The following GALK2 variants were observed in gnomAD, a reference collection of about 807,000 sequenced individuals.
The protein encoded by GALK2 is N-acetylgalactosamine kinase.
In GALK2, 36 loss-of-function variants were observed where a neutral mutation model predicts 52.4. The ratio of observed to expected loss-of-function variants is 0.69; its 90% CI spans 0.53 to 0.91. GALK2 has a LOEUF of 0.91. GALK2 is among the 40% of genes least tolerant of loss of function. The probability of loss-of-function intolerance (pLI) is 0.00; values close to 1 mark genes in which losing one functional copy is unlikely to be tolerated. For missense variants in GALK2, 579 were observed against 559.1 expected, an observed-to-expected ratio of 1.04 and a Z score of -0.36; for synonymous variants, 176 against 199.1, an observed-to-expected ratio of 0.88 and a Z score of 0.98.
At chr15:49,321,417 G>A (rs1439120880) in intron 9 of GALK2, among the ~76,000 whole-genome samples, 2 of 152,104 alleles carry the variant, frequency 1.3e-5, no homozygotes, top group Admixed American at 6.5e-5. Context: ...AGAGAAAGGG[G>A]GCAATGGAAA....
intron 3 of GALK2, among the ~76,000 whole-genome samples, chr15:49,222,143 T>A (rs1186643496): frequency 6.6e-6 from 1 of 152,122 alleles, no homozygotes; most frequent in Non-Finnish European, 1.5e-5. Context: ...TATTCTTAGG[T>A]ATTTTTTTTT....
intron 2 of GALK2, among the ~76,000 whole-genome samples, chr15:49,205,157 A>G (rs1195648868): frequency 1.1e-4 from 16 of 146,730 alleles, no homozygotes. Flanking sequence ...AATGACATAT[A>G]GTGGCAATTG....
intron 5 of GALK2, among the ~76,000 whole-genome samples, chr15:49,276,160 G>C (rs1002869206): frequency 2.6e-5 from 4 of 152,224 alleles, no homozygotes; most frequent in African/African-American, 9.6e-5. Context: ...AAGGGATAGA[G>C]AGCAAAATGT....
chr15:49,192,620 CT>C (rs1324121070), intron 1 of GALK2, among the ~76,000 whole-genome samples: 1 of 150,660 alleles, frequency 6.6e-6, no homozygotes, highest in Non-Finnish European at 1.5e-5. Context: ...CCCAGTTCCC[CT>C]CTGAAAGTGT....
At chr15:49,351,376 A>C (rs1193663025) in intron 3 of GALK2, among the ~76,000 whole-genome samples, 1 of 152,224 alleles carries the variant, frequency 6.6e-6, no homozygotes, top group Non-Finnish European at 1.5e-5. Flanking sequence ...AATTCCGCCC[A>C]AACTCTGGAG....
At chr15:49,213,827 C>CT (rs1218086934) in intron 2 of GALK2, among the ~76,000 whole-genome samples, 2 of 151,930 alleles carry the variant, frequency 1.3e-5, no homozygotes, top group African/African-American at 2.4e-5. Context: ...TTATTTAAAA[C>CT]TTTTTTTGGG....
intron 4 of GALK2, among the ~76,000 whole-genome samples, chr15:49,236,200 C>G (rs1350233820): frequency 6.6e-6 from 1 of 152,008 alleles, no homozygotes; most frequent in African/African-American, 2.4e-5. Context: ...GTTTTAAAAT[C>G]TTTGTTTAAA....
intron 3 of GALK2, among the ~76,000 whole-genome samples, chr15:49,351,752 T>C (rs956125704): frequency 4.6e-4 from 44 of 96,452 alleles, no homozygotes; most frequent in Non-Finnish European, 9.1e-4. Context: ...ATGTCTCAGC[T>C]GACCCTATAA....
At chr15:49,360,663 C>G (rs1468058845) in intron 3 of GALK2, among the ~76,000 whole-genome samples, 1 of 152,072 alleles carries the variant, frequency 6.6e-6, no homozygotes, top group Non-Finnish European at 1.5e-5. Context: ...AGCTCTAAAT[C>G]CTAGACATCA....
chr15:49,175,790 C>A (rs2085401552), intron 1 of GALK2, among the ~76,000 whole-genome samples: 1 of 152,154 alleles, frequency 6.6e-6, no homozygotes, highest in Non-Finnish European at 1.5e-5. Flanking sequence ...TAAAGATCAA[C>A]CCCTGACCTT....
intron 5 of GALK2, among the ~76,000 whole-genome samples, chr15:49,271,288 T>A (rs2030558461): frequency 1.3e-5 from 2 of 152,136 alleles, no homozygotes. Context: ...CAACAACTTT[T>A]TTTTAGGCAG....
chr15:49,266,374 A>G (rs2092361760), intron 5 of GALK2, among the ~76,000 whole-genome samples: 1 of 152,178 alleles, frequency 6.6e-6, no homozygotes, highest in South Asian at 2.1e-4. Context: ...TTGCAAGGGA[A>G]CGGAAACAGA....
chr15:49,283,796 C>G (rs1216834299), intron 7 of GALK2, 78 bp downstream of exon 7: 1 of 1,463,202 alleles, frequency 6.8e-7, no homozygotes, highest in African/African-American at 1.4e-5. Context: ...ATTACTTTAT[C>G]TCTTTCCCCA....
upstream of GALK2, among the ~76,000 whole-genome samples, chr15:49,169,360 G>A (rs1022556172): frequency 6.6e-6 from 1 of 151,936 alleles, no homozygotes; most frequent in Admixed American, 6.6e-5. Context: ...TAGATTGAGA[G>A]TTAATAGATC....
intron 1 of GALK2, among the ~76,000 whole-genome samples, chr15:49,188,776 T>C (rs556800672): frequency 3.3e-5 from 5 of 152,340 alleles, no homozygotes; most frequent in Non-Finnish European, 7.3e-5. Flanking sequence ...TGATTCCTGG[T>C]AGAAGACAAA....
intron 3 of GALK2, among the ~76,000 whole-genome samples, chr15:49,232,111 G>A (rs1490853691): frequency 6.6e-6 from 1 of 152,180 alleles, no homozygotes; most frequent in Non-Finnish European, 1.5e-5. Context: ...CCTGCAGCAG[G>A]GTTCTGCCTA....
At chr15:49,357,461 A>C (rs2043359087) in intron 3 of GALK2, among the ~76,000 whole-genome samples, 1 of 152,094 alleles carries the variant, frequency 6.6e-6, no homozygotes, top group Admixed American at 6.5e-5. Context: ...AAACACCTCT[A>C]TGCAAATAAA....
At chr15:49,361,866 G>A (rs2044297973) in intron 3 of GALK2, among the ~76,000 whole-genome samples, 1 of 152,264 alleles carries the variant, frequency 6.6e-6, no homozygotes, top group Middle Eastern at 3.4e-3. Flanking sequence ...CCCACCAGCA[G>A]TGTATAAGCA....
chr15:49,251,540 A>G (rs2091601791), intron 5 of GALK2, among the ~76,000 whole-genome samples: 1 of 152,122 alleles, frequency 6.6e-6, no homozygotes, highest in Non-Finnish European at 1.5e-5. Flanking sequence ...CTACCCTCTT[A>G]ACAAAATTTT....
Sources: allele counts gnomAD v4.1 joint callset (sites outside exome capture counted in the v4.1 genomes callset), GRCh38; gene constraint gnomAD v4.1.1; transcripts MANE v1.5; gene names NCBI Gene and HGNC (gene_info 2026-07-23, HGNC 2026-07-21).